The following TK2 variants were observed in gnomAD, a reference collection of about 807,000 sequenced individuals.
TK2 encodes the protein thymidine kinase 2.
A neutral mutation model predicts 41.9 loss-of-function variants in TK2; 35 were observed. That is an observed-to-expected ratio of 0.84 (90% CI 0.64 to 1.11). TK2 has a LOEUF of 1.11. Ranked by LOEUF, TK2 falls within the 50% of genes least tolerant of loss-of-function variation. The probability of loss-of-function intolerance (pLI) is 0.00; values close to 1 mark genes in which losing one functional copy is unlikely to be tolerated. For missense variants in TK2, 320 were observed against 351.1 expected, an observed-to-expected ratio of 0.91 and a Z score of 0.71; for synonymous variants, 128 against 129.1, an observed-to-expected ratio of 0.99 and a Z score of 0.06.
chr16:66,518,459 G>C (rs1422734779), intron 6 of TK2, among the ~76,000 whole-genome samples: 1 of 152,330 alleles, frequency 6.6e-6, no homozygotes, highest in East Asian at 1.9e-4. Flanking sequence ...GAGCCCAGGG[G>C]TTTAAGGCTG....
chr16:66,513,673 C>T, intron 9 of TK2, 58 bp downstream of exon 9: 1 of 1,531,924 alleles, frequency 6.5e-7, no homozygotes, highest in Non-Finnish European at 9.0e-7. Flanking sequence ...GGCTGACATT[C>T]CCCGGGTCAC....
chr16:66,536,184 C>T (rs1362692245), intron 4 of TK2, among the ~76,000 whole-genome samples: 1 of 141,616 alleles, frequency 7.1e-6, no homozygotes, highest in Admixed American at 7.5e-5. Context: ...AGCCTAGGGA[C>T]AGACTGAGAC....
intron 8 of TK2, among the ~76,000 whole-genome samples, chr16:66,516,446 C>A (rs1395114608): frequency 1.3e-5 from 2 of 152,172 alleles, no homozygotes; most frequent in African/African-American, 4.8e-5. Context: ...GGACTGCATT[C>A]TAGCCAGCAG....
chr16:66,517,125 A>G lies in TK2; in HGVS notation c.618+11T>C. On this transcript the variant is annotated intron_variant, in intron 8 of 9. Coordinates refer to ENST00000544898, the MANE Select transcript of TK2 (RefSeq NM_004614.5). The surrounding 1 kb of genome is among the most constrained non-coding windows in gnomAD (Gnocchi z 4.3). ...CAGTTTGTCTTTAACCAAGTCAAAG[A>G]GGCCTCTTACCAGCGGAATGACCTT... is the stretch of plus-strand genomic sequence containing the variant. The G allele has an allele frequency of 6.2e-7, 1 of 1,613,694 alleles. No individual in the cohort carries two copies. Among genetic ancestry groups the G allele is most frequent in the African/African-American group, 1.3e-5 (1 of 75,020 alleles).
intron 3 of TK2, among the ~76,000 whole-genome samples, chr16:66,539,602 GAAAAA>G (rs775031607): frequency 3.4e-4 from 17 of 49,280 alleles, no homozygotes; most frequent in African/African-American, 8.0e-4. Context: ...CTCCATCTCA[GAAAAA>G]AAAAAAAAAA....
At chr16:66,548,376 T>C (rs903982865) in intron 2 of TK2, among the ~76,000 whole-genome samples, 6 of 152,172 alleles carry the variant, frequency 3.9e-5, no homozygotes, top group African/African-American at 9.7e-5. Flanking sequence ...TTTTAAGGAA[T>C]TGAGCCTTGG....
rs956999428 is a variant in TK2 at position 66,511,359 on chromosome 16, A to G, written c.*609T>C. 3 of 164,186 alleles carry G rather than the reference A, an allele frequency of 1.8e-5. No individual in the cohort carries two copies. Among genetic ancestry groups the G allele is most frequent in the African/African-American group, 7.2e-5 (3 of 41,570 alleles). The allele number at this position is 164,186 out of a possible 1,614,324, so 10.2% of individuals were successfully genotyped here. On this transcript the variant is annotated 3_prime_UTR_variant, in exon 10 of 10. Transcript: ENST00000544898. The stretch of plus-strand genomic sequence containing the variant: ...CTTGGGAACTGCTCAATATTGGGAA[A>G]ATGTTATCAGCTCCGCACACTGCCA...
At chr16:66,535,207 A>C (rs980569784) in intron 4 of TK2, among the ~76,000 whole-genome samples, 7 of 152,230 alleles carry the variant, frequency 4.6e-5, no homozygotes, top group Admixed American at 1.3e-4. Flanking sequence ...AAAAGTATCG[A>C]TCTTTCTTTT....
intron 4 of TK2, 147 bp from the exon 5 acceptor site, chr16:66,531,616 C>A (rs1323874885): frequency 1.7e-5 from 13 of 748,466 alleles, no homozygotes; most frequent in Non-Finnish European, 2.8e-5. Context: ...AGGGCTCTGA[C>A]AGCAGGGTGG....
Position 66,508,698 on chromosome 16 carries a change from A to C in TK2, c.*3270T>G, listed in dbSNP as rs1389790239. 1 of 152,262 alleles carries C rather than the reference A, an allele frequency of 6.6e-6. No individual in the cohort carries two copies. The highest frequency in any genetic ancestry group is 6.5e-5 in the Admixed American group (1 of 15,288). 9.4% of individuals were successfully genotyped at this position (152,262 alleles called of 1,614,324 possible). On this transcript the variant is annotated 3_prime_UTR_variant, in exon 10 of 10. Coordinates refer to ENST00000544898, the MANE Select transcript of TK2 (RefSeq NM_004614.5). ...CACCGTCACTCGGGTCTAATGGTGC[A>C]TGTCTGCAGGAAGATTGTTCTGACT...
rs998686322 is a variant in TK2, at chr16:66,514,669, T to C, written c.619-858A>G. On this transcript the variant is annotated intron_variant, in intron 8 of 9. Coordinates refer to ENST00000544898, the MANE Select transcript of TK2 (RefSeq NM_004614.5). The surrounding 1 kb of genome is among the most constrained non-coding windows in gnomAD (Gnocchi z 4.2). ...CCCGGCCACCACCCCGTCTGGGAGG[T>C]GTACCCAATAGCTCATTGAGAACGG... Among the ~76,000 whole-genome samples, 4 of 151,820 alleles carry C rather than the reference T, an allele frequency of 2.6e-5. No individual in the cohort carries two copies. The highest frequency in any genetic ancestry group is 7.3e-5 in the African/African-American group (3 of 41,298).
At chr16:66,520,504 A>T (rs569527774) in intron 6 of TK2, among the ~76,000 whole-genome samples, 1 of 152,194 alleles carries the variant, frequency 6.6e-6, no homozygotes, top group Non-Finnish European at 1.5e-5. Flanking sequence ...CAGGGGCCCA[A>T]TTTGGATTAG....
rs1380292728 is a variant in TK2, at chr16:66,508,374, G to A, written c.*3594C>T. 6.6e-6 allele frequency: 1 copy of A among 152,256 alleles called. No homozygotes were observed. Among genetic ancestry groups the A allele is most frequent in the East Asian group, 1.9e-4 (1 of 5,200 alleles). The allele number at this position is 152,256 out of a possible 1,614,324, so 9.4% of individuals were successfully genotyped here. On this transcript the variant is annotated 3_prime_UTR_variant, in exon 10 of 10. Transcript: ENST00000544898. ...AGAAAGTGTGTGCCAGTAACCCTGA[G>A]GCCTTCAGTGAGTAATCCTGGCCAA...
Position 66,528,981 on chromosome 16 carries a change from C to T in TK2, c.449+13G>A. Reference sequence around the variant, plus strand: ...GTGGTTTAATAAATTATCAACTATTCAAACTACAGTACCTTCTATACAGGT... The same window carrying T: ...GTGGTTTAATAAATTATCAACTATTTAAACTACAGTACCTTCTATACAGGT... On this transcript the variant is annotated intron_variant, in intron 6 of 9. Transcript: ENST00000544898. The T allele has an allele frequency of 6.2e-7, 1 of 1,612,874 alleles. No individual in the cohort carries two copies. Among genetic ancestry groups the T allele is most frequent in the Non-Finnish European group, 8.5e-7 (1 of 1,178,988 alleles).
chr16:66,516,914 A>C (rs1964632631), intron 8 of TK2, among the ~76,000 whole-genome samples: 1 of 152,000 alleles, frequency 6.6e-6, no homozygotes, highest in Admixed American at 6.5e-5. Flanking sequence ...GGGTTGCCAA[A>C]CTGTGAGTCA....
rs1301570034 is a variant in TK2, at chr16:66,511,337, G to C, written c.*631C>G. On this transcript the variant is annotated 3_prime_UTR_variant, in exon 10 of 10. Coordinates refer to ENST00000544898, the MANE Select transcript of TK2 (RefSeq NM_004614.5). ...AAGTCTAGAAATGCTGACTGTCCTT[G>C]GGAACTGCTCAATATTGGGAAAATG... The C allele has an allele frequency of 6.3e-6, 1 of 158,946 alleles. No homozygotes were observed. Among genetic ancestry groups the C allele is most frequent in the African/African-American group, 2.4e-5 (1 of 41,476 alleles). 9.8% of individuals were successfully genotyped at this position (158,946 alleles called of 1,614,324 possible).
intron 4 of TK2, among the ~76,000 whole-genome samples, chr16:66,535,386 T>C (rs1284529304): frequency 6.6e-6 from 1 of 152,222 alleles, no homozygotes. Flanking sequence ...CTAGCTGTCT[T>C]ACTTAATAAC....
rs2144329771 is a variant in TK2 at position 66,511,031 on chromosome 16, A to G, written c.*937T>C. ...ATTCCAAGAGCAAAGCTCCTTATAC[A>G]AGGACACAGACAGTACGGGAGCCTT... On this transcript the variant is annotated 3_prime_UTR_variant, in exon 10 of 10. Coordinates refer to ENST00000544898, the MANE Select transcript of TK2 (RefSeq NM_004614.5). 6.6e-6 allele frequency: 1 copy of G among 152,272 alleles called. No individual in the cohort carries two copies. Among genetic ancestry groups the G allele is most frequent in the Non-Finnish European group, 1.5e-5 (1 of 68,030 alleles). The allele number at this position is 152,272 out of a possible 1,614,324, so 9.4% of individuals were successfully genotyped here. A position where few individuals can be genotyped will look rare whatever the true frequency, so the allele number is the denominator to read the frequency against.
chr16:66,513,582 A>G, intron 9 of TK2, 149 bp downstream of exon 9: 1 of 751,350 alleles, frequency 1.3e-6, no homozygotes, highest in Non-Finnish European at 2.3e-6. Context: ...AGGCACTGGG[A>G]GAGAGAGCAC....
Sources: allele counts gnomAD v4.1 joint callset (sites outside exome capture counted in the v4.1 genomes callset), GRCh38; gene constraint gnomAD v4.1.1; non-coding constraint Gnocchi (gnomAD v3.1); transcripts MANE v1.5; gene names NCBI Gene and HGNC (gene_info 2026-07-23, HGNC 2026-07-21).